The following PRSS23 variants were observed in gnomAD, a reference collection of about 807,000 sequenced individuals.
PRSS23 encodes protease, serine 23.
Under a neutral mutation model 34.7 loss-of-function variants are expected in PRSS23, and 25 were observed. That is an observed-to-expected ratio of 0.72 (90% CI 0.53 to 1.01). PRSS23 has a LOEUF of 1.01. Ranked by LOEUF, PRSS23 falls within the 50% of genes least tolerant of loss-of-function variation. The probability of loss-of-function intolerance (pLI) is 0.00; values close to 1 mark genes in which losing one functional copy is unlikely to be tolerated. For synonymous variants in PRSS23, 176 were observed against 186.6 expected (o/e 0.94, Z 0.46); for missense variants, 445 against 475.6 (o/e 0.94, Z 0.60).
intron 2 of PRSS23, among the ~76,000 whole-genome samples, chr11:86,858,694 A>G (rs1197281765): frequency 2.0e-5 from 3 of 151,242 alleles, no homozygotes; most frequent in Non-Finnish European, 4.4e-5. Context: ...ACAGGATGAT[A>G]TTACTCCCAA....
At chr11:86,815,565 T>C (rs1381763805), downstream of PRSS23, among the ~76,000 whole-genome samples, 1 of 152,206 alleles carries the variant, frequency 6.6e-6, no homozygotes, top group Non-Finnish European at 1.5e-5. Context: ...TTGTGGTGTT[T>C]TGTATGTATT....
At chr11:86,842,274 A>C (rs1246549300) in intron 2 of PRSS23, among the ~76,000 whole-genome samples, 1 of 152,218 alleles carries the variant, frequency 6.6e-6, no homozygotes, top group African/African-American at 2.4e-5. Context: ...GTATTGATGG[A>C]ACGTATCTCA....
chr11:86,939,097 A>G (rs763464348), intron 2 of PRSS23: 9 of 418,664 alleles, frequency 2.1e-5, no homozygotes, highest in African/African-American at 1.0e-4. Flanking sequence ...GGAATCATCA[A>G]TCAAGAGAAG....
intron 1 of PRSS23, among the ~76,000 whole-genome samples, chr11:86,821,882 A>C (rs1948255203): frequency 6.6e-6 from 1 of 152,250 alleles, no homozygotes; most frequent in Non-Finnish European, 1.5e-5. Flanking sequence ...TTTTAGAAGT[A>C]AAATGGATGT....
intron 2 of PRSS23, among the ~76,000 whole-genome samples, chr11:86,939,433 A>AAAAAATATATATATATATATAT (rs1565392858): frequency 6.2e-5 from 3 of 48,126 alleles, no homozygotes; most frequent in Non-Finnish European, 1.2e-4. Context: ...TATATTTTTT[A>AAAAAATATATATATATATATAT]ACATGAGTAA....
chr11:86,943,222 A>C (rs372261310), intron 2 of PRSS23, among the ~76,000 whole-genome samples: 1 of 152,268 alleles, frequency 6.6e-6, no homozygotes, highest in East Asian at 1.9e-4. Flanking sequence ...AATGTACTAT[A>C]GTGATAATGC....
At chr11:86,878,794 C>T (rs1393345271) in intron 2 of PRSS23, among the ~76,000 whole-genome samples, 1 of 151,740 alleles carries the variant, frequency 6.6e-6, no homozygotes, top group Non-Finnish European at 1.5e-5. Flanking sequence ...CTCTGCCCGG[C>T]CACCATCCCA....
chr11:86,876,784 T>C (rs1355048147), intron 2 of PRSS23, among the ~76,000 whole-genome samples: 1 of 151,008 alleles, frequency 6.6e-6, no homozygotes, highest in Non-Finnish European at 1.5e-5. Flanking sequence ...TATGGGCCCA[T>C]GCAAAATGAT....
chr11:86,850,975 CCCTT>C (rs1257886049), intron 2 of PRSS23, among the ~76,000 whole-genome samples: 1 of 152,160 alleles, frequency 6.6e-6, no homozygotes, highest in Admixed American at 6.5e-5. Context: ...CATTCGGGAC[CCCTT>C]CCACACTGTG....
At chr11:86,804,368 T>A (rs1334270215) in intron 1 of PRSS23, among the ~76,000 whole-genome samples, 4 of 152,238 alleles carry the variant, frequency 2.6e-5, no homozygotes, top group Non-Finnish European at 5.9e-5. Flanking sequence ...TAAACTTTTT[T>A]AAATGCAATT....
At chr11:86,888,671 CT>C (rs1948821567) in intron 2 of PRSS23, among the ~76,000 whole-genome samples, 1 of 152,206 alleles carries the variant, frequency 6.6e-6, no homozygotes, top group Non-Finnish European at 1.5e-5. Flanking sequence ...TGAGCCATGT[CT>C]CCTAAGACTT....
At chr11:86,860,053 A>G (rs1948602330) in intron 2 of PRSS23, among the ~76,000 whole-genome samples, 1 of 151,896 alleles carries the variant, frequency 6.6e-6, no homozygotes, top group African/African-American at 2.4e-5. Flanking sequence ...TACTTTCAAT[A>G]TCGCATTTTG....
chr11:86,888,991 A>C (rs897803079), intron 2 of PRSS23, among the ~76,000 whole-genome samples: 1 of 152,180 alleles, frequency 6.6e-6, no homozygotes, highest in South Asian at 2.1e-4. Flanking sequence ...GCACAAATGC[A>C]CCTTATAGAG....
intron 2 of PRSS23, among the ~76,000 whole-genome samples, chr11:86,913,175 T>C (rs1948988357): frequency 6.6e-6 from 1 of 151,822 alleles, no homozygotes; most frequent in Non-Finnish European, 1.5e-5. Flanking sequence ...GCTGCTATAG[T>C]TACCCTGAAT....
upstream of PRSS23, among the ~76,000 whole-genome samples, chr11:86,797,826 G>C (rs141701686): frequency 3.6e-4 from 55 of 152,272 alleles, 2 homozygotes; most frequent in East Asian, 9.4e-3. Context: ...ATTCTTAAAA[G>C]AACTCTATGA....
intron 2 of PRSS23, among the ~76,000 whole-genome samples, chr11:86,858,268 A>T (rs1038595347): frequency 6.6e-6 from 1 of 152,038 alleles, no homozygotes; most frequent in South Asian, 2.1e-4. Flanking sequence ...CACGGAATTT[A>T]CACCACCCCT....
At chr11:86,866,213 C>G (rs1948648381) in intron 2 of PRSS23, among the ~76,000 whole-genome samples, 1 of 152,190 alleles carries the variant, frequency 6.6e-6, no homozygotes, top group Non-Finnish European at 1.5e-5. Flanking sequence ...TTGTGAAGTG[C>G]AACCCTCTAG....
At chr11:86,895,279 T>C (rs932270068) in intron 2 of PRSS23, among the ~76,000 whole-genome samples, 10 of 152,188 alleles carry the variant, frequency 6.6e-5, no homozygotes, top group Admixed American at 2.6e-4. Context: ...TGTGAACTTC[T>C]GTGAGTCACT....
upstream of PRSS23, among the ~76,000 whole-genome samples, chr11:86,797,300 G>A (rs1444695587): frequency 6.6e-6 from 1 of 152,250 alleles, no homozygotes; most frequent in East Asian, 1.9e-4. Context: ...TTAGCATGAA[G>A]ACATCTGCTG....
Sources: gnomAD v4.1 joint callset for allele counts (sites outside exome capture counted in the v4.1 genomes callset) on GRCh38, gnomAD v4.1.1 for gene constraint, MANE v1.5 for transcripts, NCBI Gene and HGNC (gene_info 2026-07-23, HGNC 2026-07-21) for gene names.